Variants in CDH4 observed in about 807,000 individuals in gnomAD.
CDH4 encodes cadherin 4.
CDH4 carries 33 observed loss-of-function variants against 86.0 expected under a neutral mutation model. That is an observed-to-expected ratio of 0.38 (90% CI 0.29 to 0.51). CDH4 has a LOEUF of 0.51. CDH4 is among the 20% of genes least tolerant of loss of function. The pLI is 0.86. For missense variants in CDH4, 1,114 were observed against 1,307.4 expected (o/e 0.85, Z 2.28); for synonymous variants, 555 against 549.4 (o/e 1.01, Z -0.14).
chr20:61,749,861 G>A (rs2088467638), intron 3 of CDH4, among the ~76,000 whole-genome samples: 1 of 152,188 alleles, frequency 6.6e-6, no homozygotes, highest in Non-Finnish European at 1.5e-5. Flanking sequence ...AGGAGCTTGA[G>A]CCCAGCCCAG....
intron 3 of CDH4, among the ~76,000 whole-genome samples, chr20:61,772,319 G>A (rs539311244): frequency 5.3e-5 from 8 of 152,262 alleles, no homozygotes; most frequent in South Asian, 2.1e-4. Context: ...GACTCACTGC[G>A]CACCCCCAGT....
intron 2 of CDH4, among the ~76,000 whole-genome samples, chr20:61,353,677 C>T (rs1568810376): frequency 1.2e-4 from 6 of 50,118 alleles, no homozygotes; most frequent in African/African-American, 2.6e-4. Flanking sequence ...CTTCCCCCTC[C>T]TCCTCCCCCT....
chr20:61,452,278 G>A lies in CDH4; in HGVS notation c.169+197341G>A, dbSNP rs140506390. ...CTCGTGTCAGAAAATTATATGAGATGATGCCTGATGCCTCTTGTCCATAAT... is the reference window on the plus strand; with the variant it reads ...CTCGTGTCAGAAAATTATATGAGATAATGCCTGATGCCTCTTGTCCATAAT... On this transcript the variant is annotated intron_variant, in intron 2 of 15. Coordinates refer to ENST00000614565, the MANE Select transcript of CDH4 (RefSeq NM_001794.5). Among the ~76,000 whole-genome samples the A allele has an allele frequency of 4.6e-3, 702 of 152,278 alleles. 11 individuals carry two copies. The highest frequency in any genetic ancestry group is 0.016 in the African/African-American group (660 of 41,564).
intron 9 of CDH4, among the ~76,000 whole-genome samples, chr20:61,915,723 G>T (rs530065186): frequency 5.9e-5 from 9 of 152,188 alleles, no homozygotes; most frequent in Non-Finnish European, 1.3e-4. Context: ...ACCCTTCAAT[G>T]CTTTGCTGGT....
chr20:61,503,748 T>C (rs538414417), intron 2 of CDH4, among the ~76,000 whole-genome samples: 1 of 152,366 alleles, frequency 6.6e-6, no homozygotes, highest in African/African-American at 2.4e-5. Context: ...TATTAATAAC[T>C]AATGATATAA....
In CDH4 at chr20:61,430,580, G is replaced by C. The variant is rs137864907; in HGVS notation, c.169+175643G>C. Among the ~76,000 whole-genome samples, 800 of 152,254 alleles carry C rather than the reference G, an allele frequency of 5.3e-3. 6 individuals carry two copies. The highest frequency in any genetic ancestry group is 0.019 in the African/African-American group (772 of 41,540). ...GACAGAACGGTGACATTTTTCATGG[G>C]CCGCCGTGTTCTGAATCAACACTGC... is the stretch of plus-strand genomic sequence containing the variant. On this transcript the variant is annotated intron_variant, in intron 2 of 15. Coordinates refer to ENST00000614565, the MANE Select transcript of CDH4 (RefSeq NM_001794.5).
At chr20:61,403,072 A>C (rs980688147) in intron 2 of CDH4, among the ~76,000 whole-genome samples, 4 of 152,224 alleles carry the variant, frequency 2.6e-5, no homozygotes, top group Non-Finnish European at 4.4e-5. Context: ...CAAATTTTGC[A>C]GGGGTCTCTC....
At chr20:61,843,115 A>C (rs1429844730) in intron 4 of CDH4, among the ~76,000 whole-genome samples, 2 of 151,408 alleles carry the variant, frequency 1.3e-5, no homozygotes, top group Non-Finnish European at 2.9e-5. Context: ...TCACACCTGT[A>C]ATCCCAGTGC....
At chr20:61,419,137 G>A (rs371883831) in intron 2 of CDH4, among the ~76,000 whole-genome samples, 16 of 152,270 alleles carry the variant, frequency 1.1e-4, no homozygotes, top group South Asian at 6.2e-4. Context: ...GAAAGGCCTC[G>A]CAGGGTTTGG....
chr20:61,657,686 C>A (rs1157046339), intron 2 of CDH4, among the ~76,000 whole-genome samples: 1 of 152,232 alleles, frequency 6.6e-6, no homozygotes, highest in Admixed American at 6.5e-5. Flanking sequence ...GACATCTGTG[C>A]TTTGCTGAAG....
chr20:61,360,500 C>T (rs1301605326), intron 2 of CDH4, among the ~76,000 whole-genome samples: 2 of 152,202 alleles, frequency 1.3e-5, no homozygotes, highest in Admixed American at 6.5e-5. Context: ...AGATGGAGGA[C>T]GCTGTCCAGT....
At chr20:61,750,023 T>C (rs147432644) in intron 3 of CDH4, among the ~76,000 whole-genome samples, 313 of 152,052 alleles carry the variant, frequency 2.1e-3, no homozygotes, top group African/African-American at 7.0e-3. Flanking sequence ...ATTGCACCAC[T>C]GCACTCTAGC....
At position 61,756,406 on chromosome 20, in the gene CDH4, G is replaced by T. The variant is rs118125833; in HGVS notation, c.396+12617G>T. The stretch of plus-strand genomic sequence containing the variant: ...GTGTCACTGTAGAGCACGTGCAAAG[G>T]CTGGAGCAGGGAGCTCAGGAGAGGC... On this transcript the variant is annotated intron_variant, in intron 3 of 15. Transcript: ENST00000614565. Among the ~76,000 whole-genome samples the T allele has an allele frequency of 3.6e-3, 552 of 152,264 alleles. 9 individuals carry two copies. The highest frequency in any genetic ancestry group is 0.013 in the East Asian group (69 of 5,168).
intron 2 of CDH4, among the ~76,000 whole-genome samples, chr20:61,730,991 G>A (rs1405381700): frequency 6.6e-6 from 1 of 152,126 alleles, no homozygotes; most frequent in East Asian, 1.9e-4. Flanking sequence ...AGCTCCAGGG[G>A]AAGGAGCAGC....
intron 2 of CDH4, among the ~76,000 whole-genome samples, chr20:61,607,808 C>A (rs877697): frequency 0.68 from 103,482 of 152,076 alleles, 35,664 homozygotes; most frequent in East Asian, 0.78. Context: ...GAATAGGAAG[C>A]GGCTGTCCTT....
chr20:61,326,961 C>A (rs946873145), intron 2 of CDH4, among the ~76,000 whole-genome samples: 7 of 152,286 alleles, frequency 4.6e-5, no homozygotes, highest in African/African-American at 1.4e-4. Context: ...CTACAAACAA[C>A]CTGCTTGTCA....
At chr20:61,257,259 CAT>C (rs1372564556) in intron 2 of CDH4, among the ~76,000 whole-genome samples, 4 of 152,204 alleles carry the variant, frequency 2.6e-5, no homozygotes, top group African/African-American at 9.7e-5. Flanking sequence ...CAGCCCCAAA[CAT>C]ACAGATTCCA....
chr20:61,933,917 G>A (rs932886203), intron 14 of CDH4, 139 bp from the exon 15 acceptor site: 5 of 924,642 alleles, frequency 5.4e-6, no homozygotes, highest in South Asian at 3.0e-5. Flanking sequence ...GGGACAGCAT[G>A]GTTCTGTGGG....
At chr20:61,313,237 C>T (rs745833097) in intron 2 of CDH4, among the ~76,000 whole-genome samples, 3 of 152,080 alleles carry the variant, frequency 2.0e-5, no homozygotes, top group African/African-American at 4.8e-5. Context: ...GAGGGATTTG[C>T]GGAGTGGTTC....
Sources: gnomAD v4.1 joint callset for allele counts (sites outside exome capture counted in the v4.1 genomes callset) on GRCh38, gnomAD v4.1.1 for gene constraint, MANE v1.5 for transcripts, NCBI Gene and HGNC (gene_info 2026-07-23, HGNC 2026-07-21) for gene names.